The following TIAM2 variants were observed in gnomAD, a reference collection of about 807,000 sequenced individuals.
TIAM2 encodes the protein rho guanine nucleotide exchange factor TIAM2.
TIAM2 carries 80 observed loss-of-function variants against 152.9 expected under a neutral mutation model. That is an observed-to-expected ratio of 0.52 (90% CI 0.44 to 0.63). The LOEUF (loss-of-function observed/expected upper bound fraction) is 0.63, where lower values mean the gene tolerates loss of function less well. TIAM2 is among the 30% of genes least tolerant of loss of function. TIAM2 has a pLI of 0.00. For missense variants in TIAM2, 1,965 were observed against 2,120.1 expected (o/e 0.93, Z 1.44); for synonymous variants, 804 against 838.0 (o/e 0.96, Z 0.70).
intron 1 of TIAM2, among the ~76,000 whole-genome samples, chr6:155,027,372 A>C (rs1169408184): frequency 1.5e-5 from 2 of 136,440 alleles, no homozygotes; most frequent in Non-Finnish European, 3.0e-5. Context: ...ACTATATATA[A>C]TATATATACT....
At chr6:155,048,238 C>CCA (rs1470692803) in intron 1 of TIAM2, among the ~76,000 whole-genome samples, 1 of 152,014 alleles carries the variant, frequency 6.6e-6, no homozygotes, top group Non-Finnish European at 1.5e-5. Context: ...CAGGTGTGAG[C>CCA]CACTGTTCCT....
intron 1 of TIAM2, among the ~76,000 whole-genome samples, chr6:155,064,460 G>T (rs1777646987): frequency 6.6e-6 from 1 of 152,178 alleles, no homozygotes; most frequent in South Asian, 2.1e-4. Flanking sequence ...ATTGTGAATT[G>T]TGAATATAGT....
chr6:155,181,061 A>G (rs1026701396), intron 12 of TIAM2, among the ~76,000 whole-genome samples: 2 of 152,224 alleles, frequency 1.3e-5, no homozygotes, highest in Non-Finnish European at 2.9e-5. Context: ...TGGTGAGACC[A>G]TATTCTACCA....
At position 155,083,366 on chromosome 6, in the gene TIAM2, A is replaced by AT. The variant is rs1173751173; in HGVS notation, c.-208-6923_-208-6922insT. Among the ~76,000 whole-genome samples, 118 of 150,040 alleles carry AT rather than the reference A, an allele frequency of 7.9e-4. 1 individual carries two copies. Among genetic ancestry groups the AT allele is most frequent in the African/African-American group, 2.7e-3 (109 of 40,818 alleles). On this transcript the variant is annotated intron_variant, in intron 1 of 26. Transcript: ENST00000682666. Reference sequence around the variant, plus strand: ...TTTATCTCAAAAAAAAAAAAAAAAAAAAGAGAGAGAGAGAGAGAGATGGGC... The same window carrying AT: ...TTTATCTCAAAAAAAAAAAAAAAAAATAAGAGAGAGAGAGAGAGAGATGGGC...
rs541242146 is a variant in TIAM2, at chr6:155,253,676, G to C, written c.4226-297G>C. 1.1e-5 allele frequency: 3 copies of C among 278,576 alleles called. No individual in the cohort carries two copies. In the East Asian group the frequency reaches 2.1e-4, roughly 20 times the overall value. The allele number at this position is 278,576 out of a possible 1,614,324, so 17.3% of individuals were successfully genotyped here. Reference sequence around the variant, plus strand: ...TCCAAGGAAAGGGCAAAACTGCAAAGGAGGTTGAAGAATAGGATCCACTGA... The same window carrying C: ...TCCAAGGAAAGGGCAAAACTGCAAACGAGGTTGAAGAATAGGATCCACTGA... On this transcript the variant is annotated intron_variant, in intron 24 of 26. Coordinates refer to ENST00000682666, the MANE Select transcript of TIAM2 (RefSeq NM_012454.4).
rs748674169 is a variant in TIAM2 at position 155,183,434 on chromosome 6, C to T, written c.2998C>T (p.Pro1000Ser). The stretch of plus-strand genomic sequence containing the variant: ...CTCCAGGGACCAGAAGAGTCTGCTG[C>T]CCCCTCCTAACCAGTCCCAACTGCT... ...LFSRDQKSLL[P>S]PPNQSQLLEE... The change falls in exon 14 of 27, where the codon CCC becomes TCC. Residue 1000 changes from proline to serine, a missense_variant. Physicochemically the swap from Pro to Ser is moderately conservative, Grantham distance 74. Coordinates refer to ENST00000682666, the MANE Select transcript of TIAM2 (RefSeq NM_012454.4). 3 of 1,614,106 alleles carry T rather than the reference C, an allele frequency of 1.9e-6. No individual in the cohort carries two copies. Among genetic ancestry groups the T allele is most frequent in the Non-Finnish European group, 2.5e-6 (3 of 1,180,014 alleles).
intron 2 of TIAM2, among the ~76,000 whole-genome samples, chr6:155,114,014 T>TCATATATA (rs1778928701): frequency 1.7e-5 from 1 of 58,852 alleles, no homozygotes; most frequent in Non-Finnish European, 3.0e-5. Context: ...ATACTTTACT[T>TCATATATA]TATATATATA....
chr6:155,146,197 C>T (rs370745500), intron 6 of TIAM2, among the ~76,000 whole-genome samples: 2 of 151,948 alleles, frequency 1.3e-5, no homozygotes, highest in African/African-American at 4.8e-5. Context: ...GTCAGCATAG[C>T]GAGGCCCCAT....
At chr6:155,228,467 G>A (rs2115261030) in intron 15 of TIAM2, among the ~76,000 whole-genome samples, 1 of 152,290 alleles carries the variant, frequency 6.6e-6, no homozygotes, top group Admixed American at 6.5e-5. Context: ...TTTCCTGGCT[G>A]GGCATGATGG....
intron 9 of TIAM2, among the ~76,000 whole-genome samples, chr6:155,166,040 A>C (rs896986235): frequency 6.6e-6 from 1 of 152,228 alleles, no homozygotes; most frequent in South Asian, 2.1e-4. Context: ...AAAATTAATA[A>C]TCAGAGGAGT....
intron 7 of TIAM2, among the ~76,000 whole-genome samples, chr6:155,164,146 C>CTTTTTTTTTT (rs71544361): frequency 8.0e-6 from 1 of 125,362 alleles, no homozygotes; most frequent in Non-Finnish European, 1.6e-5. Flanking sequence ...TTTTTTTTTT[C>CTTTTTTTTTT]TTTTTTTTAG....
intron 2 of TIAM2, among the ~76,000 whole-genome samples, chr6:155,114,050 CTTTTTTT>C (rs1275422426): frequency 4.8e-4 from 28 of 58,242 alleles, no homozygotes; most frequent in South Asian, 4.6e-3. Flanking sequence ...TTTTTTTTTT[CTTTTTTT>C]TTTTTTTTTT....
chr6:155,095,961 AT>A (rs1035847081), intron 2 of TIAM2, among the ~76,000 whole-genome samples: 1 of 151,944 alleles, frequency 6.6e-6, no homozygotes, highest in Non-Finnish European at 1.5e-5. Flanking sequence ...TTCCTGAAGG[AT>A]TTTTTTTCTA....
At chr6:155,094,858 C>T (rs1778386527) in intron 2 of TIAM2, among the ~76,000 whole-genome samples, 1 of 151,696 alleles carries the variant, frequency 6.6e-6, no homozygotes, top group Non-Finnish European at 1.5e-5. Context: ...GCTGGGATTA[C>T]AGGCATGAGC....
Position 155,155,257 on chromosome 6 carries a change from A to G in TIAM2, c.2028+6923A>G, listed in dbSNP as rs191908145. ...AGTGGCATGGTCTTGGCTCACTGCAACCTCTGCCTCCTGAGTTCAAGTGAT... is the reference window on the plus strand; with the variant it reads ...AGTGGCATGGTCTTGGCTCACTGCAGCCTCTGCCTCCTGAGTTCAAGTGAT... On this transcript the variant is annotated intron_variant, in intron 7 of 26. Coordinates refer to ENST00000682666, the MANE Select transcript of TIAM2 (RefSeq NM_012454.4). 4.7e-3 allele frequency among the ~76,000 whole-genome samples: 706 copies of G among 150,326 alleles called. 6 individuals are homozygous for G. The highest frequency in any genetic ancestry group is 0.017 in the African/African-American group (675 of 40,826).
In TIAM2 at chr6:155,129,378, G is replaced by A. The variant is rs1562325660; in HGVS notation, c.155G>A (p.Gly52Glu). The change falls in exon 4 of 27, where the codon GGA becomes GAA. Residue 52 changes from glycine to glutamate, a missense_variant. Coordinates refer to ENST00000682666, the MANE Select transcript of TIAM2 (RefSeq NM_012454.4). The surrounding 1 kb of genome is among the most constrained non-coding windows in gnomAD (Gnocchi z 4.8). ...CATGGATGGGGTCACGGAAGCAACG[G>A]AGCAGGTTACAAGTCCAGGTCCCTG... ...SLHGWGHGSN[G>E]AGYKSRSLAR... The A allele has an allele frequency of 6.2e-7, 1 of 1,614,116 alleles. No individual in the cohort carries two copies. The highest frequency in any genetic ancestry group is 2.2e-5 in the East Asian group (1 of 44,882).
chr6:155,039,607 A>C (rs1776983256), intron 1 of TIAM2, among the ~76,000 whole-genome samples: 1 of 108,606 alleles, frequency 9.2e-6, no homozygotes, highest in Non-Finnish European at 1.7e-5. Flanking sequence ...TGCTCTTACA[A>C]TTTGAATGGG....
chr6:155,238,792 C>A (rs1782892481), intron 15 of TIAM2, among the ~76,000 whole-genome samples: 1 of 152,222 alleles, frequency 6.6e-6, no homozygotes, highest in Admixed American at 6.5e-5. Flanking sequence ...TTTGGGGTTT[C>A]CAGCCTTGGT....
intron 17 of TIAM2, 96 bp from the exon 18 acceptor site, chr6:155,244,562 G>T: frequency 7.0e-7 from 1 of 1,430,402 alleles, no homozygotes; most frequent in Admixed American, 2.1e-5. Flanking sequence ...TTTCCGTGAA[G>T]AATTTCCTTG....
Sources: gnomAD v4.1 joint callset for allele counts (sites outside exome capture counted in the v4.1 genomes callset) on GRCh38, gnomAD v4.1.1 for gene constraint, Gnocchi (gnomAD v3.1) non-coding constraint, MANE v1.5 for transcripts, NCBI Gene and HGNC (gene_info 2026-07-23, HGNC 2026-07-21) for gene names.